KCNQ5: variants seen among roughly 807,000 people sequenced by gnomAD.
The protein encoded by KCNQ5 is potassium voltage-gated channel subfamily Q member 5, also known as potassium voltage-gated channel subfamily KQT member 5.
A neutral mutation model predicts 98.2 loss-of-function variants in KCNQ5; 30 were observed. The ratio of observed to expected loss-of-function variants is 0.31; its 90% CI spans 0.23 to 0.41. The LOEUF is 0.41. Ranked by LOEUF, KCNQ5 falls within the 10% of genes least tolerant of loss-of-function variation. KCNQ5 has a pLI of 1.00. For missense variants in KCNQ5, 835 were observed against 1,182.5 expected (o/e 0.71, Z 4.31); for synonymous variants, 458 against 449.4 (o/e 1.02, Z -0.24).
intron 3 of KCNQ5, among the ~76,000 whole-genome samples, chr6:73,047,462 G>A (rs1462317122): frequency 2.6e-5 from 4 of 152,104 alleles, no homozygotes; most frequent in Non-Finnish European, 5.9e-5. Flanking sequence ...ACCTTCAAAT[G>A]TTTTTTAACA....
intron 1 of KCNQ5, among the ~76,000 whole-genome samples, chr6:72,895,119 A>G (rs890486483): frequency 2.0e-5 from 3 of 147,420 alleles, no homozygotes; most frequent in South Asian, 2.2e-4. Context: ...TCTACTAAAA[A>G]AAAAAAAAAA....
rs944295471 is a variant in KCNQ5, at chr6:72,983,400, T to C, written c.399-20508T>C. Among the ~76,000 whole-genome samples the C allele has an allele frequency of 3.9e-5, 6 of 152,264 alleles. No homozygotes were observed. In the East Asian group the frequency reaches 9.7e-4, roughly 25 times the overall value. ...TACTCTTTTTTCTCTAAACTTCTCT[T>C]CTCACTTCATTTCATTAATTTGATC... On this transcript the variant is annotated intron_variant, in intron 1 of 13. Transcript: ENST00000370398.
At chr6:73,169,899 A>T (rs896529828) in intron 11 of KCNQ5, 45 bp downstream of exon 11, 9 of 1,186,688 alleles carry the variant, frequency 7.6e-6, no homozygotes, top group African/African-American at 7.5e-5. Flanking sequence ...CATACTTATG[A>T]TTAATTGAAT....
intron 1 of KCNQ5, among the ~76,000 whole-genome samples, chr6:72,632,433 G>A (rs1186732025): frequency 6.6e-6 from 1 of 151,984 alleles, no homozygotes; most frequent in Admixed American, 6.5e-5. Flanking sequence ...GAGCCACCGC[G>A]CCTGGCCAGT....
intron 5 of KCNQ5, among the ~76,000 whole-genome samples, chr6:73,095,780 G>T (rs1435510927): frequency 6.6e-6 from 1 of 152,114 alleles, no homozygotes; most frequent in Admixed American, 6.6e-5. Flanking sequence ...AACCATCTGT[G>T]GGTTTCTCAG....
chr6:72,779,191 G>GA (rs1773320593), intron 1 of KCNQ5, among the ~76,000 whole-genome samples: 1 of 152,314 alleles, frequency 6.6e-6, no homozygotes, highest in Middle Eastern at 3.4e-3. Flanking sequence ...TACAGGGAAG[G>GA]ATGCCCCCCT....
At chr6:72,644,945 A>G (rs1019506338) in intron 1 of KCNQ5, among the ~76,000 whole-genome samples, 4 of 152,146 alleles carry the variant, frequency 2.6e-5, no homozygotes, top group African/African-American at 9.7e-5. Flanking sequence ...GCAAATTAGG[A>G]GTATTTTACA....
chr6:72,928,608 C>A (rs2150226273), intron 1 of KCNQ5, among the ~76,000 whole-genome samples: 1 of 152,084 alleles, frequency 6.6e-6, no homozygotes, highest in South Asian at 2.1e-4. Flanking sequence ...GGGAAATTTT[C>A]TTTTCTTTCT....
intron 1 of KCNQ5, among the ~76,000 whole-genome samples, chr6:72,812,654 AG>A (rs1262810249): frequency 6.6e-6 from 1 of 152,292 alleles, no homozygotes; most frequent in South Asian, 2.1e-4. Flanking sequence ...GGAGTCAGAG[AG>A]GCTTATTAAC....
intron 1 of KCNQ5, among the ~76,000 whole-genome samples, chr6:72,670,910 G>T (rs1329721427): frequency 6.6e-6 from 1 of 152,140 alleles, no homozygotes; most frequent in African/African-American, 2.4e-5. Flanking sequence ...ACCCGGTAGG[G>T]TCTTCAAAGG....
intron 1 of KCNQ5, among the ~76,000 whole-genome samples, chr6:72,711,282 C>T (rs1769358358): frequency 6.6e-6 from 1 of 151,972 alleles, no homozygotes; most frequent in Admixed American, 6.6e-5. Context: ...AGAAACCAAC[C>T]CTGCCAACAC....
intron 1 of KCNQ5, among the ~76,000 whole-genome samples, chr6:72,935,416 G>GA (rs939343405): frequency 6.6e-6 from 1 of 151,986 alleles, no homozygotes; most frequent in Non-Finnish European, 1.5e-5. Context: ...TAAACATTGG[G>GA]AAAATCACAT....
chr6:72,898,831 C>A (rs1220500368), intron 1 of KCNQ5, among the ~76,000 whole-genome samples: 2 of 152,302 alleles, frequency 1.3e-5, no homozygotes, highest in East Asian at 3.9e-4. Flanking sequence ...GCTTCTCCAG[C>A]ATCTGTTGTT....
intron 1 of KCNQ5, among the ~76,000 whole-genome samples, chr6:72,995,299 TG>T (rs1239927225): frequency 1.4e-5 from 2 of 145,522 alleles, no homozygotes; most frequent in East Asian, 4.0e-4. Context: ...ACCCAGGAGG[TG>T]GACTTTGCAG....
Position 72,632,138 on chromosome 6 carries a change from C to CTTTT in KCNQ5, c.398+9565_398+9568dup, listed in dbSNP as rs71540354. ...TTTTAGATTTTTTCTTTCTTTCTTT[C>CTTTT]TTTTTTTTTTTTTTTTTGAGACGGA... On this transcript the variant is annotated intron_variant, in intron 1 of 13. Coordinates refer to ENST00000370398, the MANE Select transcript of KCNQ5 (RefSeq NM_019842.4). 8.3e-3 allele frequency among the ~76,000 whole-genome samples: 1,065 copies of CTTTT among 127,644 alleles called. 17 individuals are homozygous for CTTTT. Among genetic ancestry groups the CTTTT allele is most frequent in the East Asian group, 0.02 (90 of 4,416 alleles). The allele number at this position is 127,644 out of a possible 152,430, so 83.7% of individuals were successfully genotyped here. A position where few individuals can be genotyped will look rare whatever the true frequency, so the allele number is the denominator to read the frequency against.
chr6:73,067,828 G>C (rs1174701235), intron 3 of KCNQ5, among the ~76,000 whole-genome samples: 17 of 150,342 alleles, frequency 1.1e-4, no homozygotes, highest in African/African-American at 4.2e-4. Flanking sequence ...CATTACAAAA[G>C]CAATACATGG....
intron 3 of KCNQ5, among the ~76,000 whole-genome samples, chr6:73,056,096 C>T (rs1443513563): frequency 6.6e-6 from 1 of 152,162 alleles, no homozygotes; most frequent in African/African-American, 2.4e-5. Flanking sequence ...CCCCCTTATC[C>T]AAGAGAGTTC....
chr6:72,845,066 A>G (rs897827983), intron 1 of KCNQ5, among the ~76,000 whole-genome samples: 2 of 152,200 alleles, frequency 1.3e-5, no homozygotes, highest in Non-Finnish European at 2.9e-5. Flanking sequence ...CTTAAACTAA[A>G]ACTATTGTTT....
chr6:72,841,528 A>C (rs558201276), intron 1 of KCNQ5, among the ~76,000 whole-genome samples: 1 of 152,214 alleles, frequency 6.6e-6, no homozygotes, highest in South Asian at 2.1e-4. Flanking sequence ...ATTGAAAGAA[A>C]TACCTCTAAA....
Sources: gnomAD v4.1 joint callset for allele counts (sites outside exome capture counted in the v4.1 genomes callset) on GRCh38, gnomAD v4.1.1 for gene constraint, MANE v1.5 for transcripts, NCBI Gene and HGNC (gene_info 2026-07-23, HGNC 2026-07-21) for gene names.